SNED1: variants seen among roughly 807,000 people sequenced by gnomAD.
SNED1 encodes sushi, nidogen and EGF-like domain-containing protein 1.
SNED1 carries 81 observed loss-of-function variants against 166.7 expected under a neutral mutation model. That is an observed-to-expected ratio of 0.49 (90% confidence interval 0.41 to 0.58). The LOEUF is 0.58. SNED1 is among the 20% of genes least tolerant of loss of function. The pLI is 0.00. For missense variants in SNED1, 1,604 were observed against 2,000.2 expected (o/e 0.80, Z 3.78); for synonymous variants, 762 against 822.0 (o/e 0.93, Z 1.25).
chr2:241,028,215 T>G (rs771109814), intron 1 of SNED1, among the ~76,000 whole-genome samples: 6 of 152,338 alleles, frequency 3.9e-5, no homozygotes, highest in Middle Eastern at 6.8e-3. Flanking sequence ...TTGCAAATAT[T>G]TTCTGTTATT....
intron 6 of SNED1, among the ~76,000 whole-genome samples, chr2:241,039,837 T>A (rs1385264264): frequency 6.6e-6 from 1 of 152,042 alleles, no homozygotes; most frequent in East Asian, 1.9e-4. Flanking sequence ...TACACACCCA[T>A]CCCTCCATCC....
intron 1 of SNED1, among the ~76,000 whole-genome samples, chr2:241,023,972 A>G (rs1369135021): frequency 2.5e-5 from 3 of 120,104 alleles, no homozygotes; most frequent in African/African-American, 3.3e-5. Context: ...TGCAGCCTCC[A>G]CCCCCCGGGT....
rs188480909 is a variant in SNED1 at position 241,006,854 on chromosome 2, C to T, written c.213+7804C>T. 3.9e-3 allele frequency among the ~76,000 whole-genome samples: 588 copies of T among 152,242 alleles called. 4 individuals carry two copies. The highest frequency in any genetic ancestry group is 6.4e-3 in the Non-Finnish European group (435 of 68,014). ...TCCTAGGGTCGTGGCAAGAGAAGTG[C>T]AAGATGAGCCTGGAACATCTTGTTG... On this transcript the variant is annotated intron_variant, in intron 1 of 31. Coordinates refer to ENST00000310397, the MANE Select transcript of SNED1 (RefSeq NM_001080437.3).
intron 1 of SNED1, among the ~76,000 whole-genome samples, chr2:241,007,723 A>G (rs2060260950): frequency 6.6e-6 from 1 of 152,174 alleles, no homozygotes; most frequent in Non-Finnish European, 1.5e-5. Flanking sequence ...TATTTCTTTC[A>G]ATGTTACGCC....
chr2:241,051,567 A>AC lies in SNED1; in HGVS notation c.1736-173dup. The AC allele has an allele frequency of 2.2e-6, 1 of 462,998 alleles. No individual in the cohort carries two copies. The highest frequency in any genetic ancestry group is 3.8e-6 in the Non-Finnish European group (1 of 265,164). The allele number at this position is 462,998 out of a possible 1,614,324, so 28.7% of individuals were successfully genotyped here. ...TTGGGGTCTCCAGCCTGTGAGCCCC[A>AC]CCCCAGCCCCCACCATGTGTGCGGA... On this transcript the variant is annotated intron_variant, in intron 12 of 31. Coordinates refer to ENST00000310397, the MANE Select transcript of SNED1 (RefSeq NM_001080437.3). This position sits in a 1 kb window ranked among gnomAD's most constrained non-coding sequence, Gnocchi z 4.7.
chr2:241,082,769 T>A (rs2063390419), intron 29 of SNED1, among the ~76,000 whole-genome samples: 2 of 152,256 alleles, frequency 1.3e-5, no homozygotes, highest in Non-Finnish European at 2.9e-5. Flanking sequence ...ACTCATGATG[T>A]GGCCTTAGGC....
intron 1 of SNED1, among the ~76,000 whole-genome samples, chr2:241,023,881 TTTTTTCC>T: frequency 9.3e-6 from 1 of 107,246 alleles, no homozygotes; most frequent in African/African-American, 4.5e-5. Flanking sequence ...TTTTTTCTTT[TTTTTTCC>T]TTTTTTTTTT....
chr2:241,034,824 A>T (rs2061295931), intron 4 of SNED1, 94 bp downstream of exon 4: 1 of 1,359,170 alleles, frequency 7.4e-7, no homozygotes, highest in Non-Finnish European at 9.9e-7. Context: ...CTGGATGCTG[A>T]CGGGGAGAGC....
chr2:241,076,142 T>C (rs1031740521), intron 27 of SNED1, among the ~76,000 whole-genome samples: 1 of 152,240 alleles, frequency 6.6e-6, no homozygotes, highest in Non-Finnish European at 1.5e-5. Context: ...CTTCCACATA[T>C]ACACCTTCAA....
intron 29 of SNED1, chr2:241,087,190 A>G: frequency 1.7e-6 from 1 of 571,764 alleles, no homozygotes; most frequent in Non-Finnish European, 3.1e-6. Flanking sequence ...ATATTACTGT[A>G]CCACAATAAA....
Position 241,065,377 on chromosome 2 carries a change from G to A in SNED1, c.2792G>A (p.Gly931Asp), listed in dbSNP as rs773396833. 4.3e-6 allele frequency: 7 copies of A among 1,613,114 alleles called. No individual in the cohort carries two copies. The highest frequency in any genetic ancestry group is 1.6e-4 in the Middle Eastern group (1 of 6,062). Residue 931 changes from glycine to aspartate, a missense_variant, in exon 21 of 32, where the codon GGT (glycine) becomes GAT (aspartate). Around this residue, in one of 2 missense-constraint regions of SNED1, gnomAD observed 1,237 missense variants for 1,620.8 expected, o/e 0.76. Transcript: ENST00000310397. ...GVSISWNPPN[G>D]PAARQMLDGY... ...TCTATCTCCTGGAACCCGCCCAATG[G>A]TCCAGCCGCCAGGCAGATGCTTGAT...
At chr2:241,065,025 G>C in intron 20 of SNED1, 68 bp downstream of exon 20, 4 of 1,221,694 alleles carry the variant, frequency 3.3e-6, no homozygotes, top group Non-Finnish European at 4.5e-6. Context: ...GGGCCCAACG[G>C]TCTCCAAGGG....
upstream of SNED1, among the ~76,000 whole-genome samples, chr2:240,998,570 A>C (rs974685445): frequency 6.6e-6 from 1 of 151,468 alleles, no homozygotes; most frequent in Non-Finnish European, 1.5e-5. Context: ...CGCCCCCCCG[A>C]GTGACCGCCG....
intron 27 of SNED1, among the ~76,000 whole-genome samples, chr2:241,079,001 C>G (rs937943966): frequency 1.8e-4 from 27 of 150,918 alleles, no homozygotes; most frequent in African/African-American, 6.6e-4. Flanking sequence ...ATAATCCCAG[C>G]TATTCAGGAG....
chr2:241,057,412 T>TATATATATATATATATATATATATATGC (rs1553574678), intron 16 of SNED1, among the ~76,000 whole-genome samples: 4 of 129,372 alleles, frequency 3.1e-5, no homozygotes, highest in African/African-American at 1.2e-4. Context: ...TATATATATA[T>TATATATATATATATATATATATATATGC]GCCATACGCA....
At position 241,064,066 on chromosome 2, in the gene SNED1, G is replaced by T. The variant is rs1375356887; in HGVS notation, c.2540G>T (p.Gly847Val). The change falls in exon 19 of 32, where the codon GGC becomes GTC. Residue 847 changes from glycine to valine, a missense_variant. Gly to Val is a moderately radical substitution (Grantham distance 109). Coordinates refer to ENST00000310397, the MANE Select transcript of SNED1 (RefSeq NM_001080437.3). The surrounding 1 kb of genome is among the most constrained non-coding windows in gnomAD (Gnocchi z 7.0). The part of the protein sequence containing the change: ...PCQHGGRCES[G>V]GGAYLCVCPE... ...CAGCATGGAGGCCGGTGTGAGAGCG[G>T]CGGCGGGGCCTACCTGTGCGTCTGC... The T allele has an allele frequency of 1.3e-6, 2 of 1,570,062 alleles. No homozygotes were observed. The highest frequency in any genetic ancestry group is 1.2e-5 in the South Asian group (1 of 85,192).
intron 31 of SNED1, chr2:241,090,552 T>C (rs2063881873): frequency 9.1e-6 from 12 of 1,316,856 alleles, no homozygotes; most frequent in African/African-American, 1.5e-5. Context: ...TAGACTTCTA[T>C]ACACAGGGCA....
At position 241,027,733 on chromosome 2, in the gene SNED1, G is replaced by GT. The variant is rs1553561255; in HGVS notation, c.214-2533dup. On this transcript the variant is annotated intron_variant, in intron 1 of 31. Transcript: ENST00000310397. ...TCACCAACCCTTGTTATTTTCTTCT[G>GT]TTTTTTTTTTTTTTTTTTAAGGTGG... Among the ~76,000 whole-genome samples, 301 of 135,658 alleles carry GT rather than the reference G, an allele frequency of 2.2e-3. 2 individuals are homozygous for GT. The highest frequency in any genetic ancestry group is 0.012 in the South Asian group (48 of 3,904). The allele number at this position is 135,658 out of a possible 152,430, so 89.0% of individuals were successfully genotyped here.
At chr2:241,070,259 G>A in intron 24 of SNED1, 58 bp downstream of exon 24, 3 of 1,517,498 alleles carry the variant, frequency 2.0e-6, no homozygotes, top group Non-Finnish European at 2.6e-6. Flanking sequence ...CCTCCACCCT[G>A]TTCAGGACTG....
Sources: allele counts gnomAD v4.1 joint callset (sites outside exome capture counted in the v4.1 genomes callset), GRCh38; gene constraint gnomAD v4.1.1; regional missense constraint gnomAD v4.1.1; non-coding constraint Gnocchi (gnomAD v3.1); transcripts MANE v1.5; gene names NCBI Gene and HGNC (gene_info 2026-07-23, HGNC 2026-07-21).